Variants in ADCY3 observed in about 807,000 individuals in gnomAD.
ADCY3 encodes the protein adenylate cyclase type 3.
ADCY3 carries 70 observed loss-of-function variants against 119.4 expected under a neutral mutation model. The ratio of observed to expected loss-of-function variants is 0.59; its 90% CI spans 0.48 to 0.72. The LOEUF (loss-of-function observed/expected upper bound fraction) is 0.72. ADCY3 is among the 30% of genes least tolerant of loss of function. The pLI is 0.00. For missense variants in ADCY3, 1,238 were observed against 1,541.6 expected (o/e 0.80, Z 3.30); for synonymous variants, 672 against 621.4 (o/e 1.08, Z -1.21).
chr2:24,836,908 T>G lies in ADCY3; in HGVS notation c.1662+9A>C. 6.2e-7 allele frequency: 1 copy of G among 1,609,796 alleles called. No individual in the cohort carries two copies. The highest frequency in any genetic ancestry group is 1.3e-5 in the African/African-American group (1 of 74,924). On this transcript the variant is annotated intron_variant, in intron 9 of 21. Transcript: ENST00000679454. Reference sequence around the variant, plus strand: ...CTCAGTGACCCCCTGCCCTGAGCCCTGCACATACCTGGGCATCCTGCTCCT... The same window carrying G: ...CTCAGTGACCCCCTGCCCTGAGCCCGGCACATACCTGGGCATCCTGCTCCT...
intron 20 of ADCY3, chr2:24,821,167 G>C: frequency 2.3e-6 from 1 of 438,458 alleles, no homozygotes; most frequent in Non-Finnish European, 4.1e-6. Flanking sequence ...AGCAGCAGGT[G>C]ATCTTAACTC....
intron 2 of ADCY3, among the ~76,000 whole-genome samples, chr2:24,889,333 C>A (rs151189828): frequency 6.6e-5 from 10 of 152,172 alleles, no homozygotes; most frequent in South Asian, 2.1e-4. Flanking sequence ...GCTGTGGATG[C>A]GACATGTTAT....
Position 24,834,917 on chromosome 2 carries a change from G to C in ADCY3, c.1682C>G (p.Pro561Arg). 1.9e-6 allele frequency: 3 copies of C among 1,613,666 alleles called. No individual in the cohort carries two copies. The highest frequency in any genetic ancestry group is 2.5e-6 in the Non-Finnish European group (3 of 1,179,952). Residue 561 changes from proline (P) to arginine (R), a missense_variant, in exon 10 of 22, where the codon CCC becomes CGC. Coordinates refer to ENST00000679454, the MANE Select transcript of ADCY3 (RefSeq NM_004036.5). The surrounding 1 kb of genome is among the most constrained non-coding windows in gnomAD (Gnocchi z 4.2). The stretch of plus-strand genomic sequence containing the variant: ...CAGGCGCAGCCTCCGGCGTGGGTTG[G>C]GGAATGAGGGGTTGTCGGCCTGTGA... ...QDAQADNPSF[P>R]NPRRRLRLQD...
At chr2:24,830,653 A>C in intron 13 of ADCY3, 56 bp downstream of exon 13, 1 of 1,388,168 alleles carries the variant, frequency 7.2e-7, no homozygotes, top group Middle Eastern at 2.2e-4. Context: ...CCCAAACAGA[A>C]GCCCTTCTCC....
At chr2:24,820,926 A>C in intron 20 of ADCY3, 78 bp from the exon 21 acceptor site, 2 of 1,562,320 alleles carry the variant, frequency 1.3e-6, no homozygotes, top group Non-Finnish European at 1.7e-6. Flanking sequence ...TCCTCTCCAG[A>C]CCTGTACCAC....
At chr2:24,880,819 C>A (rs1310794427) in intron 2 of ADCY3, among the ~76,000 whole-genome samples, 3 of 152,158 alleles carry the variant, frequency 2.0e-5, no homozygotes, top group African/African-American at 7.2e-5. Context: ...AGTTCGAGAC[C>A]AGCCTGGCCA....
At chr2:24,826,235 T>TC in intron 15 of ADCY3, 109 bp from the exon 16 acceptor site, 1 of 950,298 alleles carries the variant, frequency 1.1e-6, no homozygotes, top group Non-Finnish European at 1.6e-6. Context: ...GCCCTAGAGC[T>TC]CACCCCGGCT....
chr2:24,876,925 T>C (rs1276514857), intron 2 of ADCY3, among the ~76,000 whole-genome samples: 3 of 152,134 alleles, frequency 2.0e-5, no homozygotes, highest in African/African-American at 7.2e-5. Flanking sequence ...GAGTGAGAAG[T>C]GACCTTCCTT....
chr2:24,869,625 T>G (rs570989505), intron 3 of ADCY3, among the ~76,000 whole-genome samples: 12 of 152,204 alleles, frequency 7.9e-5, no homozygotes, highest in African/African-American at 2.6e-4. Context: ...AGGCTGGTCT[T>G]GAACTCCTGG....
intron 2 of ADCY3, among the ~76,000 whole-genome samples, chr2:24,884,281 C>T (rs1676746101): frequency 6.6e-6 from 1 of 152,052 alleles, no homozygotes; most frequent in South Asian, 2.1e-4. Flanking sequence ...TGCATCTGTG[C>T]CCTCCTCCAG....
chr2:24,862,776 T>C (rs1673834174), intron 3 of ADCY3, among the ~76,000 whole-genome samples: 2 of 152,136 alleles, frequency 1.3e-5, no homozygotes, highest in East Asian at 1.9e-4. Flanking sequence ...TATAATACCA[T>C]ATTCATTTTT....
intron 2 of ADCY3, among the ~76,000 whole-genome samples, chr2:24,911,098 C>G (rs1356358906): frequency 6.6e-6 from 1 of 151,966 alleles, no homozygotes; most frequent in Non-Finnish European, 1.5e-5. Flanking sequence ...CTTGAAGATG[C>G]CCCCAAAAAC....
intron 18 of ADCY3, 54 bp from the exon 19 acceptor site, chr2:24,822,684 C>T: frequency 6.3e-7 from 1 of 1,599,116 alleles, no homozygotes; most frequent in Non-Finnish European, 8.6e-7. Context: ...AGGAATGACC[C>T]AACCCAGTGA....
chr2:24,910,236 T>G (rs758565063), intron 2 of ADCY3, among the ~76,000 whole-genome samples: 12 of 152,198 alleles, frequency 7.9e-5, no homozygotes, highest in Non-Finnish European at 1.6e-4. Flanking sequence ...CCGGTCTTGC[T>G]CTGTCACCCA....
chr2:24,823,463 G>T (rs1668093487), intron 17 of ADCY3, 108 bp from the exon 18 acceptor site: 1 of 1,214,100 alleles, frequency 8.2e-7, no homozygotes, highest in Non-Finnish European at 1.1e-6. Flanking sequence ...CAGCTTTTTG[G>T]ACTCACACAT....
At chr2:24,854,455 C>G (rs530923263) in intron 3 of ADCY3, among the ~76,000 whole-genome samples, 178 of 152,272 alleles carry the variant, frequency 1.2e-3, no homozygotes, top group African/African-American at 4.2e-3. Context: ...ATAAAATGGG[C>G]ATCTCTTAGG....
At chr2:24,913,025 CCTCCACTGATGCCCATCTGCATACT>C (rs1207246489) in intron 2 of ADCY3, among the ~76,000 whole-genome samples, 1 of 152,224 alleles carries the variant, frequency 6.6e-6, no homozygotes, top group Non-Finnish European at 1.5e-5. Context: ...GTCCCTGGAC[CCTCCACTGATGCCCATCTGCATACT>C]CTCCACGGAG....
intron 2 of ADCY3, among the ~76,000 whole-genome samples, chr2:24,900,659 A>G (rs570259478): frequency 6.6e-6 from 1 of 152,308 alleles, no homozygotes; most frequent in South Asian, 2.1e-4. Context: ...TTCTTGAAAA[A>G]GGGAGATGGG....
At chr2:24,837,147 C>G in intron 8 of ADCY3, 102 bp from the exon 9 acceptor site, 1 of 1,317,938 alleles carries the variant, frequency 7.6e-7, no homozygotes, top group African/African-American at 1.5e-5. Context: ...GATTAGAGAG[C>G]AATCTGAGGC....
Sources: allele counts gnomAD v4.1 joint callset (sites outside exome capture counted in the v4.1 genomes callset), GRCh38; gene constraint gnomAD v4.1.1; non-coding constraint Gnocchi (gnomAD v3.1); transcripts MANE v1.5; gene names NCBI Gene and HGNC (gene_info 2026-07-23, HGNC 2026-07-21).